Variants in FUT8 observed in about 807,000 individuals in gnomAD.
FUT8 encodes the protein alpha-(1,6)-fucosyltransferase.
Under a neutral mutation model 71.3 loss-of-function variants are expected in FUT8, and 29 were observed. That is an observed-to-expected ratio of 0.41 (90% CI 0.30 to 0.55). FUT8 has a LOEUF of 0.55. FUT8 is among the 20% of genes least tolerant of loss of function. The pLI, the probability that FUT8 is intolerant of heterozygous loss-of-function variation, is 0.34. For synonymous variants in FUT8, 254 were observed against 239.3 expected (o/e 1.06, Z -0.57); for missense variants, 544 against 702.1 (o/e 0.77, Z 2.55).
chr14:65,680,206 A>G (rs2140406030), intron 7 of FUT8, among the ~76,000 whole-genome samples: 1 of 152,348 alleles, frequency 6.6e-6, no homozygotes, highest in South Asian at 2.1e-4. Context: ...AGAGAGCTAG[A>G]GGGCTGATGG....
intron 3 of FUT8, among the ~76,000 whole-genome samples, chr14:65,594,311 G>A (rs930073999): frequency 6.6e-6 from 1 of 152,194 alleles, no homozygotes; most frequent in Non-Finnish European, 1.5e-5. Flanking sequence ...TCGCAGGAGG[G>A]AGCATGCAAG....
chr14:65,422,612 C>A (rs78690087), intron 1 of FUT8, among the ~76,000 whole-genome samples: 1,822 of 152,234 alleles, frequency 0.012, 15 homozygotes, highest in South Asian at 0.024. Flanking sequence ...AGTCCTCCTG[C>A]CTCAGCCTCC....
chr14:65,381,909 C>T, the FUT8 span, among the ~76,000 whole-genome samples: 71 of 152,284 alleles, frequency 4.7e-4, 1 homozygote, highest in African/African-American at 1.6e-3. Flanking sequence ...ACCTATTGCA[C>T]GAAACTTCTT....
intron 1 of FUT8, among the ~76,000 whole-genome samples, chr14:65,427,170 A>G (rs1344959678): frequency 2.0e-5 from 3 of 152,026 alleles, no homozygotes; most frequent in African/African-American, 4.8e-5. Flanking sequence ...CCTACATAAC[A>G]CATTTTCTTT....
At position 65,742,980 on chromosome 14, in the gene FUT8, T is replaced by G. The variant is rs1896579740; in HGVS notation, c.*570T>G. 2 of 151,992 alleles carry G rather than the reference T, an allele frequency of 1.3e-5. No individual in the cohort carries two copies. Among genetic ancestry groups the G allele is most frequent in the African/African-American group, 4.9e-5 (2 of 41,198 alleles). 9.4% of individuals were successfully genotyped at this position (151,992 alleles called of 1,614,324 possible). A position where few individuals can be genotyped will look rare whatever the true frequency, so the allele number is the denominator to read the frequency against. On this transcript the variant is annotated 3_prime_UTR_variant, in exon 11 of 11. Transcript: ENST00000673929. ...GTTTTTTTTTTTTTAAATAATTGCA[T>G]CAGTTCATTGACCTCATCATTAATA...
At chr14:65,405,871 T>A (rs1294015963), upstream of FUT8, among the ~76,000 whole-genome samples, 3 of 152,220 alleles carry the variant, frequency 2.0e-5, no homozygotes, top group Non-Finnish European at 4.4e-5. Flanking sequence ...TCTTCTCACA[T>A]CTATAAACAT....
chr14:65,640,763 A>T (rs1890787306), intron 6 of FUT8, among the ~76,000 whole-genome samples: 2 of 150,654 alleles, frequency 1.3e-5, no homozygotes, highest in Admixed American at 6.6e-5. Context: ...ATATTATGGT[A>T]CCTTTGATTC....
At chr14:65,554,433 T>TAA (rs1555370724) in intron 2 of FUT8, among the ~76,000 whole-genome samples, 1 of 143,500 alleles carries the variant, frequency 7.0e-6, no homozygotes, top group Non-Finnish European at 1.5e-5. Context: ...TATATATATA[T>TAA]TATATATATA....
chr14:65,572,985 A>G (rs1443140026), intron 3 of FUT8, among the ~76,000 whole-genome samples: 1 of 152,180 alleles, frequency 6.6e-6, no homozygotes, highest in Admixed American at 6.6e-5. Context: ...TTTCAACAAT[A>G]GCAGAATACA....
At chr14:65,540,129 A>G (rs968111093) in intron 2 of FUT8, among the ~76,000 whole-genome samples, 4 of 152,206 alleles carry the variant, frequency 2.6e-5, no homozygotes, top group East Asian at 1.9e-4. Flanking sequence ...CAGCTGTATT[A>G]TATTAAAGAT....
At chr14:65,619,677 A>G (rs1889498211) in intron 5 of FUT8, among the ~76,000 whole-genome samples, 1 of 152,232 alleles carries the variant, frequency 6.6e-6, no homozygotes, top group Non-Finnish European at 1.5e-5. Flanking sequence ...TGTTGATGGT[A>G]TAATAAATTT....
chr14:65,455,926 A>G (rs1170236142), intron 2 of FUT8, among the ~76,000 whole-genome samples: 1 of 152,190 alleles, frequency 6.6e-6, no homozygotes, highest in East Asian at 1.9e-4. Flanking sequence ...ATTGAAAAAA[A>G]TTTACTTCCT....
At chr14:65,556,955 C>T (rs1173419717) in intron 2 of FUT8, among the ~76,000 whole-genome samples, 1 of 152,166 alleles carries the variant, frequency 6.6e-6, no homozygotes, top group African/African-American at 2.4e-5. Flanking sequence ...AACTGAGACT[C>T]CAGTCTAGAC....
At chr14:65,507,693 A>G (rs745882038) in intron 2 of FUT8, among the ~76,000 whole-genome samples, 1 of 152,152 alleles carries the variant, frequency 6.6e-6, no homozygotes, top group Non-Finnish European at 1.5e-5. Flanking sequence ...TTCTTTGTTC[A>G]TTCGTCTGCT....
intron 3 of FUT8, among the ~76,000 whole-genome samples, chr14:65,610,188 CT>C (rs1888809037): frequency 6.6e-6 from 1 of 151,776 alleles, no homozygotes; most frequent in South Asian, 2.1e-4. Context: ...GCCTTTGTTT[CT>C]TTTTCTTGCC....
intron 2 of FUT8, among the ~76,000 whole-genome samples, chr14:65,470,484 C>T (rs1177643540): frequency 1.3e-5 from 2 of 152,206 alleles, no homozygotes; most frequent in African/African-American, 2.4e-5. Flanking sequence ...CCTGGCTCCG[C>T]CCCCTTTCAG....
intron 3 of FUT8, among the ~76,000 whole-genome samples, chr14:65,582,375 C>G (rs1440833060): frequency 6.6e-6 from 1 of 151,974 alleles, no homozygotes; most frequent in Non-Finnish European, 1.5e-5. Context: ...GATCTCTGTT[C>G]ACCTCATTAA....
chr14:65,442,758 C>A (rs907387539), intron 1 of FUT8, among the ~76,000 whole-genome samples: 1 of 149,242 alleles, frequency 6.7e-6, no homozygotes, highest in Non-Finnish European at 1.5e-5. Context: ...ATTGCTTGAG[C>A]CCAGGAGGCA....
intron 2 of FUT8, among the ~76,000 whole-genome samples, chr14:65,495,113 TC>T (rs1245800574): frequency 4.6e-5 from 7 of 151,892 alleles, no homozygotes; most frequent in African/African-American, 1.7e-4. Context: ...CCTTTTTTTT[TC>T]TTTTTATAGG....
Sources: allele counts gnomAD v4.1 joint callset (sites outside exome capture counted in the v4.1 genomes callset), GRCh38; gene constraint gnomAD v4.1.1; transcripts MANE v1.5; gene names NCBI Gene and HGNC (gene_info 2026-07-23, HGNC 2026-07-21).